The following SGCZ variants were observed in gnomAD, a reference collection of about 807,000 sequenced individuals.
SGCZ encodes zeta-sarcoglycan.
A neutral mutation model predicts 41.3 loss-of-function variants in SGCZ; 40 were observed. That is an observed-to-expected ratio of 0.97 (90% confidence interval 0.75 to 1.26). SGCZ has a LOEUF of 1.26. SGCZ is among the 50% of genes most tolerant of loss of function. The pLI is 0.00. For missense variants in SGCZ, 552 were observed against 369.8 expected (o/e 1.49, Z -4.04); for synonymous variants, 206 against 137.5 (o/e 1.50, Z -3.49).
chr8:14,137,033 G>A (rs571827312), intron 5 of SGCZ, among the ~76,000 whole-genome samples: 27 of 152,290 alleles, frequency 1.8e-4, no homozygotes, highest in African/African-American at 6.5e-4. Flanking sequence ...AGGCAAACAG[G>A]GACTGGGGTG....
At chr8:14,715,477 A>G (rs973017440) in intron 1 of SGCZ, among the ~76,000 whole-genome samples, 11 of 151,992 alleles carry the variant, frequency 7.2e-5, no homozygotes, top group African/African-American at 1.7e-4. Flanking sequence ...CCATAACTTC[A>G]ACCTGTAACA....
At chr8:14,133,020 C>T (rs1021577371) in intron 5 of SGCZ, among the ~76,000 whole-genome samples, 3 of 152,132 alleles carry the variant, frequency 2.0e-5, no homozygotes, top group African/African-American at 7.2e-5. Context: ...AAAAAACAAG[C>T]ACACAAACAA....
At chr8:15,182,207 T>C (rs1036482300) in intron 1 of SGCZ, among the ~76,000 whole-genome samples, 1 of 152,214 alleles carries the variant, frequency 6.6e-6, no homozygotes, top group African/African-American at 2.4e-5. Flanking sequence ...ATAATATCCT[T>C]AATTCTTAGG....
chr8:14,822,676 A>T (rs1205244335), intron 1 of SGCZ, among the ~76,000 whole-genome samples: 1 of 152,112 alleles, frequency 6.6e-6, no homozygotes, highest in Non-Finnish European at 1.5e-5. Flanking sequence ...AAATTTACCC[A>T]CTTACAGCCA....
At chr8:15,180,820 G>T (rs1277416528) in intron 1 of SGCZ, among the ~76,000 whole-genome samples, 2 of 151,672 alleles carry the variant, frequency 1.3e-5, no homozygotes, top group East Asian at 3.9e-4. Context: ...CCAGGAGGCA[G>T]AGTTTGCAGT....
At chr8:14,622,488 C>A (rs1243415909) in intron 1 of SGCZ, among the ~76,000 whole-genome samples, 3 of 152,148 alleles carry the variant, frequency 2.0e-5, no homozygotes, top group Non-Finnish European at 4.4e-5. Context: ...ATTAATTAGA[C>A]TACACAAAAT....
intron 3 of SGCZ, among the ~76,000 whole-genome samples, chr8:14,253,129 G>A (rs544343475): frequency 8.9e-4 from 136 of 152,082 alleles, no homozygotes; most frequent in African/African-American, 3.2e-3. Flanking sequence ...AGAATATGCT[G>A]TCATTAAGAA....
intron 1 of SGCZ, among the ~76,000 whole-genome samples, chr8:14,683,193 T>C (rs929813983): frequency 2.0e-5 from 3 of 152,136 alleles, no homozygotes; most frequent in Non-Finnish European, 4.4e-5. Context: ...TAAATACTAA[T>C]AGGGAAATCT....
chr8:14,203,860 C>T (rs142914006), intron 4 of SGCZ, among the ~76,000 whole-genome samples: 64 of 151,616 alleles, frequency 4.2e-4, no homozygotes, highest in African/African-American at 1.3e-3. Flanking sequence ...GTGTAAGAGA[C>T]CTGTAAGAAT....
chr8:15,089,953 T>C (rs770645276), intron 1 of SGCZ, among the ~76,000 whole-genome samples: 29 of 152,202 alleles, frequency 1.9e-4, no homozygotes, highest in Admixed American at 9.2e-4. Flanking sequence ...GTCAAACATA[T>C]TGTGTGAGAT....
intron 1 of SGCZ, among the ~76,000 whole-genome samples, chr8:14,710,369 CAA>C (rs770994264): frequency 7.2e-3 from 661 of 92,406 alleles, no homozygotes; most frequent in East Asian, 0.032. Flanking sequence ...GACTCCGCAT[CAA>C]AAAAAAAAAA....
intron 1 of SGCZ, among the ~76,000 whole-genome samples, chr8:14,782,513 C>G (rs1443979459): frequency 6.6e-6 from 1 of 152,112 alleles, no homozygotes; most frequent in East Asian, 1.9e-4. Context: ...AAAGACAACT[C>G]ACAAAATAGT....
intron 2 of SGCZ, among the ~76,000 whole-genome samples, chr8:14,474,615 A>G (rs1264728389): frequency 6.6e-6 from 1 of 152,238 alleles, no homozygotes; most frequent in African/African-American, 2.4e-5. Flanking sequence ...TAAAAAATTA[A>G]AACATACAGG....
intron 1 of SGCZ, among the ~76,000 whole-genome samples, chr8:14,635,665 T>C (rs780764949): frequency 3.3e-5 from 5 of 151,710 alleles, no homozygotes; most frequent in Admixed American, 1.3e-4. Flanking sequence ...AACATATTCA[T>C]ACTTAGTAAA....
chr8:14,610,790 G>C (rs1005541387), intron 1 of SGCZ, among the ~76,000 whole-genome samples: 3 of 152,166 alleles, frequency 2.0e-5, no homozygotes, highest in African/African-American at 7.2e-5. Flanking sequence ...GGAATTAATA[G>C]GATAGTTGAG....
At chr8:14,272,832 G>A (rs535047116) in intron 3 of SGCZ, among the ~76,000 whole-genome samples, 68 of 152,178 alleles carry the variant, frequency 4.5e-4, no homozygotes, top group Non-Finnish European at 8.8e-4. Context: ...TTTTACATTT[G>A]AATTGTTATA....
At chr8:14,194,386 A>G (rs1363781670) in intron 4 of SGCZ, among the ~76,000 whole-genome samples, 1 of 151,904 alleles carries the variant, frequency 6.6e-6, no homozygotes, top group Non-Finnish European at 1.5e-5. Context: ...TAATACTGTG[A>G]TATTACTAAT....
chr8:15,093,858 T>G (rs1370728712), intron 1 of SGCZ, among the ~76,000 whole-genome samples: 1 of 152,160 alleles, frequency 6.6e-6, no homozygotes, highest in African/African-American at 2.4e-5. Context: ...TATATATGAG[T>G]GTCCACTTAA....
chr8:14,797,259 T>C (rs960721941), intron 1 of SGCZ, among the ~76,000 whole-genome samples: 3 of 152,032 alleles, frequency 2.0e-5, no homozygotes, highest in Non-Finnish European at 4.4e-5. Context: ...TTTAGAAAAG[T>C]TTGGAACTTC....
Sources: gnomAD v4.1 joint callset for allele counts (sites outside exome capture counted in the v4.1 genomes callset) on GRCh38, gnomAD v4.1.1 for gene constraint, MANE v1.5 for transcripts, NCBI Gene and HGNC (gene_info 2026-07-23, HGNC 2026-07-21) for gene names.